MXD1: variants seen among roughly 807,000 people sequenced by gnomAD.
MXD1 encodes MAX dimerization protein 1.
In MXD1, 9 loss-of-function variants were observed where a neutral mutation model predicts 25.7. The observed-to-expected ratio is 0.35, with a 90% confidence interval of 0.21 to 0.61. MXD1 has a LOEUF of 0.61. Among genes scored for constraint, MXD1 ranks in the 20% least tolerant of loss-of-function variants. The pLI is 0.75. For synonymous variants in MXD1, 99 were observed against 113.9 expected, an observed-to-expected ratio of 0.87 and a Z score of 0.83; for missense variants, 227 against 292.4, an observed-to-expected ratio of 0.78 and a Z score of 1.63.
chr2:69,916,979 C>T (rs1676973494), intron 2 of MXD1, among the ~76,000 whole-genome samples: 1 of 152,138 alleles, frequency 6.6e-6, no homozygotes, highest in Non-Finnish European at 1.5e-5. Context: ...GCCCGTTTCC[C>T]CCCTTCTTTG....
Position 69,924,537 on chromosome 2 carries a change from A to G in MXD1, c.203+2772A>G, listed in dbSNP as rs1677134568. Among the ~76,000 whole-genome samples the G allele has an allele frequency of 2.6e-5, 4 of 152,168 alleles. No homozygotes were observed. The South Asian group carries it at 8.3e-4, about 32-fold the overall frequency. Reference sequence around the variant, plus strand: ...CACTCTCTTATTAGCATGGATGCTTAAGAACTTCAGGGTTTGGAGGTCAGC... The same window carrying G: ...CACTCTCTTATTAGCATGGATGCTTGAGAACTTCAGGGTTTGGAGGTCAGC... On this transcript the variant is annotated intron_variant, in intron 3 of 5. Transcript: ENST00000264444.
intron 3 of MXD1, among the ~76,000 whole-genome samples, chr2:69,928,934 C>T (rs1677221766): frequency 6.6e-6 from 1 of 152,142 alleles, no homozygotes. Context: ...TGCTCTGTCA[C>T]CCAGGCTGGA....
Position 69,915,444 on chromosome 2 carries a change from G to A in MXD1, c.73+41G>A. 1 of 1,253,582 alleles carries A rather than the reference G, an allele frequency of 8.0e-7. No homozygotes were observed. The highest frequency in any genetic ancestry group is 1.0e-6 in the Non-Finnish European group (1 of 987,762). 77.7% of individuals were successfully genotyped at this position (1,253,582 alleles called of 1,614,324 possible). On this transcript the variant is annotated intron_variant, in intron 1 of 5. Coordinates refer to ENST00000264444, the MANE Select transcript of MXD1 (RefSeq NM_002357.4). The surrounding 1 kb of genome is among the most constrained non-coding windows in gnomAD (Gnocchi z 5.8). Reference sequence around the variant, plus strand: ...GAGGGGTCCACTCGAAACGAGGCCGGGGGTCCTGTGGGGCCGGCCTCAGGT... The same window carrying A: ...GAGGGGTCCACTCGAAACGAGGCCGAGGGTCCTGTGGGGCCGGCCTCAGGT...
chr2:69,915,274 G>GGCA lies in MXD1; in HGVS notation c.-54_-52dup, dbSNP rs1401910043. On this transcript the variant is annotated 5_prime_UTR_variant, in exon 1 of 6. Transcript: ENST00000264444. This position sits in a 1 kb window ranked among gnomAD's most constrained non-coding sequence, Gnocchi z 5.8. ...GCGGGCTCCACAGCGGTCCGGCGGC[G>GGCA]GCAGCGAGCCCGTGGGCAGTGGGGG... The GGCA allele has an allele frequency of 1.6e-5, 20 of 1,286,578 alleles. No homozygotes were observed. The highest frequency in any genetic ancestry group is 3.1e-5 in the East Asian group (1 of 32,068). The allele number at this position is 1,286,578 out of a possible 1,614,324, so 79.7% of individuals were successfully genotyped here.
Position 69,938,258 on chromosome 2 carries a change from A to G in MXD1, c.640A>G (p.Ser214Gly). 6.2e-7 allele frequency: 1 copy of G among 1,614,210 alleles called. No individual in the cohort carries two copies. Among genetic ancestry groups the G allele is most frequent in the Non-Finnish European group, 8.5e-7 (1 of 1,180,020 alleles). Residue 214 changes from serine to glycine, a missense_variant, in exon 6 of 6, where the codon AGT becomes GGT. Physicochemically the swap from Ser to Gly is moderately conservative, Grantham distance 56 (BLOSUM62 0). Coordinates refer to ENST00000264444, the MANE Select transcript of MXD1 (RefSeq NM_002357.4). ...CATCAAGAGAATAAAGCTGCAGGAC[A>G]GTCACAAGGCGTGTCTTGGTCTCTA... ...TSIKRIKLQD[S>G]HKACLGL is the part of the protein sequence containing the mutation.
In MXD1 at chr2:69,942,646, G is replaced by A. The variant is rs1189917411; in HGVS notation, c.*4362G>A. 6.6e-6 allele frequency: 1 copy of A among 152,120 alleles called. No individual in the cohort carries two copies. The highest frequency in any genetic ancestry group is 1.5e-5 in the Non-Finnish European group (1 of 68,024). The allele number at this position is 152,120 out of a possible 1,614,324, so 9.4% of individuals were successfully genotyped here. On this transcript the variant is annotated 3_prime_UTR_variant, in exon 6 of 6. Transcript: ENST00000264444. ...TGCCTTTACCCCATCCCTAGAATTG[G>A]TGCTCTTGGAATATTGCTGTTACCA...
At position 69,937,051 on chromosome 2, in the gene MXD1, A is replaced by T. The variant is rs778040541; in HGVS notation, c.319-184A>T. 1.5e-5 allele frequency: 12 copies of T among 785,118 alleles called. No individual in the cohort carries two copies. The South Asian group carries it at 1.7e-4, about 11-fold the overall frequency. The allele number at this position is 785,118 out of a possible 1,614,324, so 48.6% of individuals were successfully genotyped here. A position where few individuals can be genotyped will look rare whatever the true frequency, so the allele number is the denominator to read the frequency against. On this transcript the variant is annotated intron_variant, in intron 4 of 5. Transcript: ENST00000264444. ...ACCCCCAGCACTGGCGATGCTGAAG[A>T]GTCAGACGAAGCCAGGAGTCACTGG...
chr2:69,916,760 T>TAA (rs1288854237), intron 2 of MXD1, among the ~76,000 whole-genome samples: 6 of 152,234 alleles, frequency 3.9e-5, no homozygotes, highest in African/African-American at 1.2e-4. Flanking sequence ...TGATTGAGGT[T>TAA]AAAACCTACC....
At chr2:69,925,504 G>A (rs1422706338) in intron 3 of MXD1, among the ~76,000 whole-genome samples, 1 of 152,096 alleles carries the variant, frequency 6.6e-6, no homozygotes, top group Admixed American at 6.5e-5. Context: ...CCTCTCAGAG[G>A]TAACACCTGC....
chr2:69,938,396 TG>T lies in MXD1; in HGVS notation c.*113del. 8.8e-7 allele frequency: 1 copy of T among 1,132,754 alleles called. No homozygotes were observed. The highest frequency in any genetic ancestry group is 2.5e-5 in the East Asian group (1 of 40,786). 70.2% of individuals were successfully genotyped at this position (1,132,754 alleles called of 1,614,324 possible). ...GCACGTAAACTTCAGTGTCCCACCT[TG>T]ACCAAAATCAGCTTTGTAACTGTTT... On this transcript the variant is annotated 3_prime_UTR_variant, in exon 6 of 6. Coordinates refer to ENST00000264444, the MANE Select transcript of MXD1 (RefSeq NM_002357.4).
At position 69,941,566 on chromosome 2, in the gene MXD1, G is replaced by GTGTTT. The variant is rs925830239; in HGVS notation, c.*3294_*3298dup. On this transcript the variant is annotated 3_prime_UTR_variant, in exon 6 of 6. Coordinates refer to ENST00000264444, the MANE Select transcript of MXD1 (RefSeq NM_002357.4). ...CCTCGTCCTGCAGTTGGCCACTTGA[G>GTGTTT]TGTTTTGTTTTGTTTTTATTTTTTA... 2 of 152,252 alleles carry GTGTTT rather than the reference G, an allele frequency of 1.3e-5. No homozygotes were observed. Among genetic ancestry groups the GTGTTT allele is most frequent in the East Asian group, 1.9e-4 (1 of 5,192 alleles). The allele number at this position is 152,252 out of a possible 1,614,324, so 9.4% of individuals were successfully genotyped here.
intron 2 of MXD1, among the ~76,000 whole-genome samples, chr2:69,921,406 G>C (rs895553855): frequency 2.6e-5 from 4 of 152,162 alleles, no homozygotes; most frequent in African/African-American, 9.7e-5. Flanking sequence ...AAGCTTTGTC[G>C]TATTATATAA....
rs146987083 is a variant in MXD1, at chr2:69,932,193, G to C, written c.204-3158G>C. ...CGTGGGTACTCAGGGCTGGCAGAGG[G>C]ATTCTAGATCCCAGGAGTTTGTGTG... On this transcript the variant is annotated intron_variant, in intron 3 of 5. Coordinates refer to ENST00000264444, the MANE Select transcript of MXD1 (RefSeq NM_002357.4). Among the ~76,000 whole-genome samples, 764 of 152,106 alleles carry C rather than the reference G, an allele frequency of 5.0e-3. 8 individuals carry two copies. Among genetic ancestry groups the C allele is most frequent in the African/African-American group, 0.017 (723 of 41,416 alleles).
At position 69,941,883 on chromosome 2, in the gene MXD1, C is replaced by CACAT. The variant is rs1364814804; in HGVS notation, c.*3601_*3604dup. 5 of 152,092 alleles carry CACAT rather than the reference C, an allele frequency of 3.3e-5. No individual in the cohort carries two copies. Among genetic ancestry groups the CACAT allele is most frequent in the African/African-American group, 1.2e-4 (5 of 41,408 alleles). The allele number at this position is 152,092 out of a possible 1,614,324, so 9.4% of individuals were successfully genotyped here. On this transcript the variant is annotated 3_prime_UTR_variant, in exon 6 of 6. Coordinates refer to ENST00000264444, the MANE Select transcript of MXD1 (RefSeq NM_002357.4). Reference sequence around the variant, plus strand: ...ATATATACACACACACACACACACACACATATTATTATTTAGGTTTTTATA... The same window carrying CACAT: ...ATATATACACACACACACACACACACACATACATATTATTATTTAGGTTTTTATA...
In MXD1 at chr2:69,925,276, TTTTCTTTTTTTAAACTAATCTTGCAGAA is replaced by T. The variant is rs533640124; in HGVS notation, c.203+3512_203+3539del. ...TGTGTGTGTGTGTGTGTGGTTTTTC[TTTTCTTTTTTTAAACTAATCTTGCAGAA>T]AATTTTGAGAAATATAGAAAATAAT... On this transcript the variant is annotated intron_variant, in intron 3 of 5. Coordinates refer to ENST00000264444, the MANE Select transcript of MXD1 (RefSeq NM_002357.4). Among the ~76,000 whole-genome samples the T allele has an allele frequency of 2.1e-3, 314 of 152,126 alleles. 1 individual carries two copies. The highest frequency in any genetic ancestry group is 3.6e-3 in the Non-Finnish European group (246 of 67,962).
intron 3 of MXD1, 59 bp downstream of exon 3, chr2:69,921,824 C>A: frequency 6.3e-7 from 1 of 1,577,204 alleles, no homozygotes; most frequent in Non-Finnish European, 8.7e-7. Flanking sequence ...TCTGTTCATG[C>A]AGTTCAAACT....
intron 3 of MXD1, among the ~76,000 whole-genome samples, chr2:69,922,356 C>T (rs1034445762): frequency 4.6e-5 from 7 of 152,194 alleles, no homozygotes; most frequent in Middle Eastern, 3.2e-3. Context: ...CCTCTTGCTG[C>T]TTACTTAAAT....
rs1157141737 is a variant in MXD1, at chr2:69,941,404, C to A, written c.*3120C>A. The A allele has an allele frequency of 6.6e-6, 1 of 152,180 alleles. No homozygotes were observed. Among genetic ancestry groups the A allele is most frequent in the East Asian group, 1.9e-4 (1 of 5,198 alleles). 9.4% of individuals were successfully genotyped at this position (152,180 alleles called of 1,614,324 possible). ...AAGGTGCTGATAGCAACTGCTGGCT[C>A]CTTTCTGTAGTCACACACCTAATGC... On this transcript the variant is annotated 3_prime_UTR_variant, in exon 6 of 6. Transcript: ENST00000264444.
intron 3 of MXD1, among the ~76,000 whole-genome samples, chr2:69,930,347 G>A (rs71413201): frequency 0.024 from 3,640 of 152,170 alleles, 53 homozygotes; most frequent in South Asian, 0.066. Flanking sequence ...TTTGGCCATT[G>A]CAGTCGAGAT....
Sources: gnomAD v4.1 joint callset for allele counts (sites outside exome capture counted in the v4.1 genomes callset) on GRCh38, gnomAD v4.1.1 for gene constraint, Gnocchi (gnomAD v3.1) non-coding constraint, MANE v1.5 for transcripts, NCBI Gene and HGNC (gene_info 2026-07-23, HGNC 2026-07-21) for gene names.